Variants in COLEC10 observed in about 807,000 individuals in gnomAD.
COLEC10 encodes the protein collectin subfamily member 10, also known as collectin-10.
In COLEC10, 22 loss-of-function variants were observed where a neutral mutation model predicts 28.4. The observed-to-expected ratio is 0.78, with a 90% CI of 0.55 to 1.11. COLEC10 has a LOEUF of 1.11. COLEC10 is among the 50% of genes least tolerant of loss of function. The pLI is 0.00. For synonymous variants in COLEC10, 125 were observed against 116.1 expected (o/e 1.08, Z -0.49); for missense variants, 361 against 344.1 (o/e 1.05, Z -0.39).
At chr8:119,035,156 C>T (rs1016274450) in intron 2 of COLEC10, among the ~76,000 whole-genome samples, 26 of 152,238 alleles carry the variant, frequency 1.7e-4, no homozygotes, top group Middle Eastern at 3.4e-3. Flanking sequence ...ATAATTAATG[C>T]AATATGTTTG....
chr8:118,998,846 CAAAAA>C (rs567463648), intron 1 of COLEC10, among the ~76,000 whole-genome samples: 1 of 76,632 alleles, frequency 1.3e-5, no homozygotes, highest in Non-Finnish European at 2.4e-5. Context: ...GACTCCGTCT[CAAAAA>C]AAAAAAAAAA....
At position 119,106,171 on chromosome 8, in the gene COLEC10, T is replaced by G; in HGVS notation, c.814T>G (p.Phe272Val). 1.3e-6 allele frequency: 2 copies of G among 1,598,578 alleles called. No homozygotes were observed. The highest frequency in any genetic ancestry group is 1.7e-6 in the Non-Finnish European group (2 of 1,167,922). The change falls in exon 6 of 6, where the codon TTC (phenylalanine) becomes GTC (valine). Residue 272 changes from phenylalanine to valine, a missense_variant. Phe to Val is a conservative substitution (Grantham distance 50). This residue lies in a region of COLEC10 where 22 missense variants were observed against 17.3 expected (regional missense o/e 1.28). Coordinates refer to ENST00000332843, the MANE Select transcript of COLEC10 (RefSeq NM_006438.5). ...CHLTMYFVCE[F>V]IKKKK Reference sequence around the variant, plus strand: ...TCTTACCATGTACTTTGTCTGTGAGTTCATCAAGAAGAAAAAGTAACTTCC... The same window carrying G: ...TCTTACCATGTACTTTGTCTGTGAGGTCATCAAGAAGAAAAAGTAACTTCC...
At chr8:119,078,670 TAC>T (rs1475068562) in intron 1 of COLEC10, among the ~76,000 whole-genome samples, 1 of 152,166 alleles carries the variant, frequency 6.6e-6, no homozygotes, top group African/African-American at 2.4e-5. Context: ...CATCTTGACT[TAC>T]AGTTTTTATA....
intron 2 of COLEC10, among the ~76,000 whole-genome samples, chr8:119,061,766 G>A (rs1030164157): frequency 6.6e-5 from 10 of 151,802 alleles, no homozygotes; most frequent in East Asian, 1.9e-4. Context: ...AAAAAAAGAC[G>A]CAGATATCAG....
At chr8:119,074,610 G>A (rs929459983) in intron 1 of COLEC10, among the ~76,000 whole-genome samples, 3 of 152,124 alleles carry the variant, frequency 2.0e-5, no homozygotes, top group African/African-American at 4.8e-5. Flanking sequence ...AGATTGTGAA[G>A]TCAGCTCCCC....
Position 119,100,350 on chromosome 8 carries a change from T to C in COLEC10, c.293-1998T>C, listed in dbSNP as rs1364486047. Among the ~76,000 whole-genome samples the C allele has an allele frequency of 2.6e-5, 4 of 152,214 alleles. No individual in the cohort carries two copies. The East Asian group carries it at 5.8e-4, about 22-fold the overall frequency. ...ATAACACTTAGTTCATGAGATTTAA[T>C]GTGATAATATGTGTAAGGTATCCCG... is the stretch of plus-strand genomic sequence containing the variant. On this transcript the variant is annotated intron_variant, in intron 3 of 5. Transcript: ENST00000332843.
intron 2 of COLEC10, among the ~76,000 whole-genome samples, chr8:119,060,840 CTA>C (rs1814843245): frequency 1.3e-5 from 2 of 152,196 alleles, no homozygotes; most frequent in Non-Finnish European, 2.9e-5. Flanking sequence ...TTAGTGCCTC[CTA>C]ACTATGAATG....
intron 2 of COLEC10, among the ~76,000 whole-genome samples, chr8:119,051,740 A>G (rs754692934): frequency 6.6e-6 from 1 of 152,184 alleles, no homozygotes; most frequent in Admixed American, 6.5e-5. Flanking sequence ...TTAAATTTTC[A>G]GTTTCTTAAA....
At chr8:119,096,382 G>A (rs747500035) in intron 3 of COLEC10, among the ~76,000 whole-genome samples, 3 of 152,060 alleles carry the variant, frequency 2.0e-5, no homozygotes, top group African/African-American at 4.8e-5. Context: ...ACCTGAGATC[G>A]GGAATTCGAG....
At chr8:119,069,630 AT>A (rs375440332) in intron 1 of COLEC10, among the ~76,000 whole-genome samples, 3,347 of 28,420 alleles carry the variant, frequency 0.12, 343 homozygotes, top group African/African-American at 0.23. Flanking sequence ...AAAAAAAAAA[AT>A]ATATATATAT....
chr8:118,989,028 A>T, the COLEC10 span, among the ~76,000 whole-genome samples: 19 of 152,342 alleles, frequency 1.2e-4, no homozygotes, highest in African/African-American at 4.3e-4. Flanking sequence ...TCAGAATGCG[A>T]CTCAGATATG....
chr8:118,952,898 C>T, the COLEC10 span, among the ~76,000 whole-genome samples: 1 of 152,138 alleles, frequency 6.6e-6, no homozygotes, highest in Non-Finnish European at 1.5e-5. Flanking sequence ...GATTACAGTT[C>T]GCGGGTTGCC....
intron 1 of COLEC10, among the ~76,000 whole-genome samples, chr8:118,997,412 G>A (rs1813607760): frequency 6.6e-6 from 1 of 152,018 alleles, no homozygotes; most frequent in Non-Finnish European, 1.5e-5. Context: ...TTTCCCCTGT[G>A]TTTTTTCATA....
chr8:119,098,966 C>A (rs533858708), intron 3 of COLEC10, among the ~76,000 whole-genome samples: 1 of 152,046 alleles, frequency 6.6e-6, no homozygotes, highest in East Asian at 1.9e-4. Context: ...TCTAGGCTGG[C>A]CTTAATGTTG....
intron 2 of COLEC10, among the ~76,000 whole-genome samples, chr8:119,032,000 C>T (rs1250628873): frequency 6.6e-6 from 1 of 152,278 alleles, no homozygotes; most frequent in African/African-American, 2.4e-5. Context: ...ACCAAAAAAC[C>T]TGTGAGGTAA....
chr8:119,086,588 C>T (rs1333675139), intron 1 of COLEC10, among the ~76,000 whole-genome samples: 2 of 152,158 alleles, frequency 1.3e-5, no homozygotes, highest in African/African-American at 4.8e-5. Context: ...AATCCTATTT[C>T]ACCCTCCCAG....
At chr8:118,954,985 A>G in the COLEC10 span, among the ~76,000 whole-genome samples, 1 of 152,216 alleles carries the variant, frequency 6.6e-6, no homozygotes, top group Non-Finnish European at 1.5e-5. Context: ...TGTCTAAAAC[A>G]TCTTGTGCCT....
intron 1 of COLEC10, among the ~76,000 whole-genome samples, chr8:119,008,266 G>A (rs897800174): frequency 4.6e-5 from 7 of 150,814 alleles, no homozygotes; most frequent in African/African-American, 2.5e-5. Flanking sequence ...AAAGGAATGG[G>A]AAAGGAGCTA....
At position 119,106,218 on chromosome 8, in the gene COLEC10, T is replaced by A. The variant is rs1815940068; in HGVS notation, c.*27T>A. 1 of 1,572,140 alleles carries A rather than the reference T, an allele frequency of 6.4e-7. No individual in the cohort carries two copies. The highest frequency in any genetic ancestry group is 1.8e-5 in the Admixed American group (1 of 56,128). ...TTCCCTCATCCTACGTATTTGCTAT[T>A]TTCCTGTGACCGTCATTACAGTTAT... On this transcript the variant is annotated 3_prime_UTR_variant, in exon 6 of 6. Coordinates refer to ENST00000332843, the MANE Select transcript of COLEC10 (RefSeq NM_006438.5).
Sources: allele counts gnomAD v4.1 joint callset (sites outside exome capture counted in the v4.1 genomes callset), GRCh38; gene constraint gnomAD v4.1.1; regional missense constraint gnomAD v4.1.1; transcripts MANE v1.5; gene names NCBI Gene and HGNC (gene_info 2026-07-23, HGNC 2026-07-21).